The following SMG1 variants were observed in gnomAD, a reference collection of about 807,000 sequenced individuals.
SMG1 encodes the protein serine/threonine-protein kinase SMG1.
SMG1 carries 22 observed loss-of-function variants against 419.9 expected under a neutral mutation model. The ratio of observed to expected loss-of-function variants is 0.05; its 90% confidence interval spans 0.04 to 0.07. The LOEUF (loss-of-function observed/expected upper bound fraction) is 0.07, where lower values mean the gene tolerates loss of function less well. SMG1 is among the 10% of genes least tolerant of loss of function. SMG1 has a pLI of 1.00. For synonymous variants in SMG1, 1,538 were observed against 1,553.5 expected, an observed-to-expected ratio of 0.99 and a Z score of 0.23; for missense variants, 3,185 against 4,342.0, an observed-to-expected ratio of 0.73 and a Z score of 7.49.
At chr16:18,893,806 C>G (rs1296572839) in intron 3 of SMG1, among the ~76,000 whole-genome samples, 1 of 152,058 alleles carries the variant, frequency 6.6e-6, no homozygotes, top group Non-Finnish European at 1.5e-5. Flanking sequence ...ACCTGTAATC[C>G]CAGCACTTTG....
Position 18,847,875 on chromosome 16 carries a change from C to A in SMG1, c.5782G>T (p.Asp1928Tyr). Residue 1928 changes from aspartate (D) to tyrosine (Y), a missense_variant, in exon 37 of 63, where the codon GAT becomes TAT. Asp to Tyr is a radical substitution (Grantham distance 160). This residue lies in a region of SMG1 where 130 missense variants were observed against 162.0 expected (regional missense o/e 0.80). Coordinates refer to ENST00000446231, the MANE Select transcript of SMG1 (RefSeq NM_015092.5). ...GLNEDQAMMQ[D>Y]CYSKIVDKLS... ...TTATCTACAATTTTGCTGTAACAATCCTGCATCATGGCTTGGTCTTCATTT... is the reference window on the plus strand; with the variant it reads ...TTATCTACAATTTTGCTGTAACAATACTGCATCATGGCTTGGTCTTCATTT... The A allele has an allele frequency of 6.2e-7, 1 of 1,614,034 alleles. No homozygotes were observed. Among genetic ancestry groups the A allele is most frequent in the Non-Finnish European group, 8.5e-7 (1 of 1,179,900 alleles).
intron 35 of SMG1, 43 bp from the exon 36 acceptor site, chr16:18,849,421 A>G (rs1421670960): frequency 6.5e-7 from 1 of 1,546,586 alleles, no homozygotes; most frequent in South Asian, 1.2e-5. Context: ...AGTTATTTAA[A>G]ACTATGAAGA....
intron 3 of SMG1, among the ~76,000 whole-genome samples, chr16:18,893,480 C>T (rs1286163818): frequency 6.6e-6 from 1 of 152,168 alleles, no homozygotes; most frequent in African/African-American, 2.4e-5. Context: ...CAAAAATTAG[C>T]TGGGCATAGT....
intron 1 of SMG1, among the ~76,000 whole-genome samples, chr16:18,912,679 A>G (rs1192024267): frequency 2.6e-5 from 4 of 152,126 alleles, no homozygotes; most frequent in Non-Finnish European, 5.9e-5. Context: ...CCTATTTGCT[A>G]TTAAGTGTAA....
rs1176650498 is a variant in SMG1, at chr16:18,836,130, C to T, written c.7860G>A (p.Glu2620=). 1 of 1,609,662 alleles carries T rather than the reference C, an allele frequency of 6.2e-7. No homozygotes were observed. Residue 2620 remains glutamate, a synonymous_variant, in exon 48 of 63, where the codon GAG becomes GAA. Transcript: ENST00000446231. ...GCTGCAGGAGAGCACCAACCTCCCCCTCCAGCTGCTCGCACTGGCTAATCA... is the reference window on the plus strand; with the variant it reads ...GCTGCAGGAGAGCACCAACCTCCCCTTCCAGCTGCTCGCACTGGCTAATCA... ...AHLISQCEQL[E]GEVGALLQQR...
intron 38 of SMG1, 76 bp from the exon 39 acceptor site, chr16:18,845,727 A>G (rs2034222661): frequency 1.9e-6 from 2 of 1,070,466 alleles, no homozygotes; most frequent in Non-Finnish European, 2.8e-6. Flanking sequence ...AACAATTTCA[A>G]TATATCAATT....
At chr16:18,848,069 C>T (rs186148391) in intron 36 of SMG1, 36 bp from the exon 37 acceptor site, 341 of 1,554,012 alleles carry the variant, frequency 2.2e-4, no homozygotes, top group Admixed American at 3.3e-4. Context: ...ATATTTTGAA[C>T]ATTTCTCCCA....
chr16:18,901,169 A>C (rs1295318450), intron 1 of SMG1, among the ~76,000 whole-genome samples: 2 of 152,318 alleles, frequency 1.3e-5, no homozygotes, highest in East Asian at 3.9e-4. Context: ...AACTAGTTTA[A>C]CTACCTCAGT....
At chr16:18,864,187 C>CTTTTTT (rs748193551) in intron 23 of SMG1, 43 bp from the exon 24 acceptor site, 67 of 598,038 alleles carry the variant, frequency 1.1e-4, no homozygotes, top group East Asian at 5.6e-4. Flanking sequence ...TATCTACTTA[C>CTTTTTT]TTTTTTTTTT....
intron 55 of SMG1, among the ~76,000 whole-genome samples, chr16:18,827,468 A>T (rs527906038): frequency 8.3e-4 from 121 of 144,990 alleles, no homozygotes; most frequent in African/African-American, 2.6e-3. Context: ...ATATATATAT[A>T]TTTTTATATA....
intron 48 of SMG1, among the ~76,000 whole-genome samples, chr16:18,835,558 C>T (rs1326023431): frequency 6.6e-6 from 1 of 152,132 alleles, no homozygotes; most frequent in Non-Finnish European, 1.5e-5. Context: ...GGAGGATCAC[C>T]TGAGCCCAGG....
At chr16:18,852,256 A>G in intron 32 of SMG1, 51 bp from the exon 33 acceptor site, 1 of 1,604,902 alleles carries the variant, frequency 6.2e-7, no homozygotes, top group Admixed American at 1.7e-5. Context: ...ACTTTACCAT[A>G]TCAGCAGACA....
Position 18,849,994 on chromosome 16 carries a change from A to G in SMG1, c.5416T>C (p.Tyr1806His). The G allele has an allele frequency of 6.2e-7, 1 of 1,613,930 alleles. No individual in the cohort carries two copies. Among genetic ancestry groups the G allele is most frequent in the Non-Finnish European group, 8.5e-7 (1 of 1,179,872 alleles). The change falls in exon 35 of 63, where the codon TAT becomes CAT. Residue 1806 changes from tyrosine (Y) to histidine (H), a missense_variant. Tyr to His is a moderately conservative substitution (Grantham distance 83). Transcript: ENST00000446231. Reference protein sequence around the residue: ...LVKHAGELRQYLEHGLETTPT... With the variant: ...LVKHAGELRQHLEHGLETTPT... ...GTTGTCTCCAAGCCGTGCTCCAGAT[A>G]CTGCCGAAGCTCACCAGCATGCTTC...
chr16:18,868,151 T>C, intron 22 of SMG1, 39 bp downstream of exon 22: 1 of 1,542,764 alleles, frequency 6.5e-7, no homozygotes. Flanking sequence ...GCTTTTCTTA[T>C]TAACAGACTT....
chr16:18,812,643 CATATACACACACACACACATATAT>C (rs2031561510), intron 60 of SMG1, among the ~76,000 whole-genome samples: 1 of 133,628 alleles, frequency 7.5e-6, no homozygotes, highest in Admixed American at 7.6e-5. Flanking sequence ...TATATATACA[CATATACACACACACACACATATAT>C]ATATACACAC....
chr16:18,816,544 C>T lies in SMG1; in HGVS notation c.10075-15G>A. 1 of 1,605,012 alleles carries T rather than the reference C, an allele frequency of 6.2e-7. No individual in the cohort carries two copies. The highest frequency in any genetic ancestry group is 1.3e-5 in the African/African-American group (1 of 74,782). Reference sequence around the variant, plus strand: ...AGACCAGTGTCCTAAATAGAACAAGCATTTGTTTGACTTCGAGTATCAGCT... The same window carrying T: ...AGACCAGTGTCCTAAATAGAACAAGTATTTGTTTGACTTCGAGTATCAGCT... On this transcript the variant is annotated splice_polypyrimidine_tract_variant and intron_variant, in intron 57 of 62. Transcript: ENST00000446231.
chr16:18,810,480 C>T (rs1047430723), intron 62 of SMG1, among the ~76,000 whole-genome samples: 2 of 152,192 alleles, frequency 1.3e-5, no homozygotes, highest in African/African-American at 4.8e-5. Flanking sequence ...TGGACAGTCC[C>T]TGACTCACAG....
intron 51 of SMG1, among the ~76,000 whole-genome samples, chr16:18,831,640 C>A (rs1021112829): frequency 6.6e-6 from 1 of 151,000 alleles, no homozygotes; most frequent in Non-Finnish European, 1.5e-5. Flanking sequence ...TCCATAGTCC[C>A]AGCTACTAGG....
At chr16:18,864,278 C>G in intron 23 of SMG1, 134 bp from the exon 24 acceptor site, 1 of 727,118 alleles carries the variant, frequency 1.4e-6, no homozygotes, top group Non-Finnish European at 2.1e-6. Context: ...TCAATGCAAC[C>G]TCTGCCTCCT....
Sources: allele counts gnomAD v4.1 joint callset (sites outside exome capture counted in the v4.1 genomes callset), GRCh38; gene constraint gnomAD v4.1.1; regional missense constraint gnomAD v4.1.1; transcripts MANE v1.5; gene names NCBI Gene and HGNC (gene_info 2026-07-23, HGNC 2026-07-21).